Variants in NCBP2L observed in about 807,000 individuals in gnomAD.
NCBP2L encodes the protein nuclear cap binding protein subunit 2 like, also known as nuclear cap-binding protein subunit 2-like.
For missense variants in NCBP2L, 95 were observed against 53.1 expected (o/e 1.79, Z -2.45); for synonymous variants, 39 against 19.2 (o/e 2.04, Z -2.70).
At chrX:107,793,191 T>G (rs992152079) in intron 1 of NCBP2L, among the ~76,000 whole-genome samples, 1 of 112,311 alleles carries the variant, frequency 8.9e-6, no homozygotes, top group Non-Finnish European at 1.9e-5. Flanking sequence ...AAGTGTAATC[T>G]TTGGACCATT....
intron 1 of NCBP2L, among the ~76,000 whole-genome samples, chrX:107,784,699 G>T (rs1468887173): frequency 1.9e-5 from 2 of 107,418 alleles, no homozygotes; most frequent in African/African-American, 6.8e-5. Context: ...GGGCAGATGC[G>T]GTGGCTCACG....
intron 1 of NCBP2L, among the ~76,000 whole-genome samples, chrX:107,790,145 G>A (rs1930432595): frequency 9.0e-6 from 1 of 111,310 alleles, no homozygotes; most frequent in African/African-American, 3.3e-5. Context: ...TCTACACAGT[G>A]CTGAAACTCG....
chrX:107,782,264 T>TATATATAA (rs1930318310), intron 1 of NCBP2L, among the ~76,000 whole-genome samples: 1 of 15,484 alleles, frequency 6.5e-5, no homozygotes, highest in Non-Finnish European at 8.3e-5. Context: ...TATATATAAA[T>TATATATAA]ATATATATAT....
At chrX:107,793,650 A>G (rs1930480158) in intron 1 of NCBP2L, among the ~76,000 whole-genome samples, 1 of 112,128 alleles carries the variant, frequency 8.9e-6, no homozygotes, top group Admixed American at 9.5e-5. Flanking sequence ...TTGATGGTAT[A>G]TAGGGACCCA....
intron 1 of NCBP2L, among the ~76,000 whole-genome samples, chrX:107,780,979 T>C (rs751784029): frequency 9.1e-6 from 1 of 110,002 alleles, no homozygotes; most frequent in Admixed American, 9.7e-5. Context: ...AGAGCTGGAG[T>C]GCAGTGGTAC....
Position 107,782,266 on chromosome X carries a change from T to A in NCBP2L, c.-73+4408T>A, listed in dbSNP as rs1411796846. Among the ~76,000 whole-genome samples the A allele has an allele frequency of 3.3e-4, 10 of 30,090 alleles. 2 individuals are homozygous for A. Among genetic ancestry groups the A allele is most frequent in the South Asian group, 3.8e-3 (2 of 525 alleles). 26.1% of individuals were successfully genotyped at this position (30,090 alleles called of 115,157 possible). On this transcript the variant is annotated intron_variant, in intron 1 of 1. Transcript: ENST00000509000. ...ATATATATAAATATATATATAAATA[T>A]ATATATATAAATATATATAAATATA...
At chrX:107,783,858 ATGTGTGTGTGTG>A (rs756413239) in intron 1 of NCBP2L, among the ~76,000 whole-genome samples, 36 of 96,979 alleles carry the variant, frequency 3.7e-4, no homozygotes, top group African/African-American at 1.4e-3. Flanking sequence ...TGGTGTGCGT[ATGTGTGTGTGTG>A]TGTGTGTGTG....
intron 1 of NCBP2L, among the ~76,000 whole-genome samples, chrX:107,779,669 C>A (rs1930239499): frequency 9.0e-6 from 1 of 110,538 alleles, no homozygotes; most frequent in African/African-American, 3.3e-5. Flanking sequence ...CTCAGGTGAT[C>A]CACCCGCTTC....
At chrX:107,781,706 A>C (rs1468195846) in intron 1 of NCBP2L, among the ~76,000 whole-genome samples, 4 of 79,354 alleles carry the variant, frequency 5.0e-5, no homozygotes, top group Admixed American at 2.7e-4. Flanking sequence ...ATATATATAT[A>C]TATAGATCTA....
At position 107,787,016 on chromosome X, in the gene NCBP2L, T is replaced by C. The variant is rs1930398352; in HGVS notation, c.-72-7133T>C. 5.4e-5 allele frequency among the ~76,000 whole-genome samples: 6 copies of C among 111,666 alleles called. No homozygotes were observed. The Admixed American group carries it at 5.7e-4, about 11-fold the overall frequency. On this transcript the variant is annotated intron_variant, in intron 1 of 1. Transcript: ENST00000509000. ...AGGAAGGAGGAAGGGACAGAGAATT[T>C]TGTTAGGCAAAAGTTCAACTAAGAA...
In NCBP2L at chrX:107,781,692, C is replaced by CTCTATATATATATATA. The variant is rs1395038482; in HGVS notation, c.-73+3835_-73+3836insCTATATATATATATAT. Among the ~76,000 whole-genome samples the CTCTATATATATATATA allele has an allele frequency of 1.0e-4, 7 of 66,919 alleles. 1 individual carries two copies. Among genetic ancestry groups the CTCTATATATATATATA allele is most frequent in the African/African-American group, 2.6e-4 (3 of 11,724 alleles). 58.1% of individuals were successfully genotyped at this position (66,919 alleles called of 115,157 possible). On this transcript the variant is annotated intron_variant, in intron 1 of 1. Transcript: ENST00000509000. The stretch of plus-strand genomic sequence containing the variant: ...TATCTATCTATCTCTCTCTCTCTCT[C>CTCTATATATATATATA]TATATATATATATATATAGATCTAT...
At chrX:107,782,220 TAA>T (rs1491390876) in intron 1 of NCBP2L, among the ~76,000 whole-genome samples, 4 of 24,835 alleles carry the variant, frequency 1.6e-4, no homozygotes, top group East Asian at 1.5e-3. Context: ...AATATATATA[TAA>T]ATATATATAT....
chrX:107,782,294 TATATAA>T (rs1315175614), intron 1 of NCBP2L, among the ~76,000 whole-genome samples: 1 of 34,793 alleles, frequency 2.9e-5, no homozygotes, highest in African/African-American at 3.2e-4. Flanking sequence ...TAAATATATA[TATATAA>T]ATATATATAT....
chrX:107,781,692 C>CTCTCTCTCTCTCTCTATA (rs1395038482), intron 1 of NCBP2L, among the ~76,000 whole-genome samples: 11 of 66,907 alleles, frequency 1.6e-4, no homozygotes, highest in South Asian at 6.7e-4. Flanking sequence ...CTCTCTCTCT[C>CTCTCTCTCTCTCTCTATA]TATATATATA....
chrX:107,780,914 A>G (rs1208255980), intron 1 of NCBP2L, among the ~76,000 whole-genome samples: 1 of 107,895 alleles, frequency 9.3e-6, no homozygotes, highest in African/African-American at 3.4e-5. Context: ...AGGAGCCACC[A>G]AGCCCGGCCT....
rs574022259 is a variant in NCBP2L at position 107,793,987 on chromosome X, T to A, written c.-72-162T>A. Reference sequence around the variant, plus strand: ...TGACAAATTGGATTTTATGACCATGTTTTGGGGATTGGAGCTGTCTATTTT... The same window carrying A: ...TGACAAATTGGATTTTATGACCATGATTTGGGGATTGGAGCTGTCTATTTT... On this transcript the variant is annotated intron_variant, in intron 1 of 1. Coordinates refer to ENST00000509000, the MANE Select transcript of NCBP2L (RefSeq NM_001348372.2). Among the ~76,000 whole-genome samples the A allele has an allele frequency of 7.1e-5, 8 of 112,453 alleles. No homozygotes were observed. The South Asian group carries it at 2.2e-3, about 31-fold the overall frequency.
intron 1 of NCBP2L, among the ~76,000 whole-genome samples, chrX:107,779,475 A>G (rs1433470716): frequency 8.9e-6 from 1 of 112,220 alleles, no homozygotes; most frequent in Non-Finnish European, 1.9e-5. Flanking sequence ...TTTGTTGCCC[A>G]GGCCAGACAA....
At chrX:107,780,860 G>A in intron 1 of NCBP2L, among the ~76,000 whole-genome samples, 1 of 106,733 alleles carries the variant, frequency 9.4e-6, no homozygotes. Context: ...GAACTCCTGA[G>A]CTTAAGATCC....
In NCBP2L at chrX:107,795,429, C is replaced by G. The variant is rs1288265951; in HGVS notation, c.*747C>G. 2 of 112,018 alleles carry G rather than the reference C, an allele frequency of 1.8e-5. No homozygotes were observed. The highest frequency in any genetic ancestry group is 6.5e-5 in the African/African-American group (2 of 30,775). The allele number at this position is 112,018 out of a possible 1,213,427, so 9.2% of individuals were successfully genotyped here. A position where few individuals can be genotyped will look rare whatever the true frequency, so the allele number is the denominator to read the frequency against. ...ACAGAGGGTTCCTGAGTTACAATGGCTTGGCTTACAATGTTTGGACTTTAC... is the reference window on the plus strand; with the variant it reads ...ACAGAGGGTTCCTGAGTTACAATGGGTTGGCTTACAATGTTTGGACTTTAC... On this transcript the variant is annotated 3_prime_UTR_variant, in exon 2 of 2. Transcript: ENST00000509000.
Sources: allele counts gnomAD v4.1 joint callset (sites outside exome capture counted in the v4.1 genomes callset), GRCh38; gene constraint gnomAD v4.1.1; transcripts MANE v1.5; gene names NCBI Gene and HGNC (gene_info 2026-07-23, HGNC 2026-07-21).